The following SMARCA2 variants were observed in gnomAD, a reference collection of about 807,000 sequenced individuals.
SMARCA2 encodes SWI/SNF related BAF chromatin remodeling complex subunit ATPase 2.
A neutral mutation model predicts 199.8 loss-of-function variants in SMARCA2; 61 were observed. That is an observed-to-expected ratio of 0.31 (90% CI 0.25 to 0.38). SMARCA2 has a LOEUF of 0.38. Ranked by LOEUF, SMARCA2 falls within the 10% of genes least tolerant of loss-of-function variation. The pLI is 1.00. For missense variants in SMARCA2, 1,344 were observed against 2,012.2 expected (o/e 0.67, Z 6.35); for synonymous variants, 935 against 732.0 (o/e 1.28, Z -4.48).
intron 23 of SMARCA2, among the ~76,000 whole-genome samples, chr9:2,107,615 G>A (rs1822814761): frequency 6.6e-6 from 1 of 152,150 alleles, no homozygotes; most frequent in African/African-American, 2.4e-5. Context: ...ACCATGCCTG[G>A]CCTATACAGT....
intron 29 of SMARCA2, among the ~76,000 whole-genome samples, chr9:2,174,134 C>G (rs1826405922): frequency 6.6e-6 from 1 of 152,092 alleles, no homozygotes; most frequent in Non-Finnish European, 1.5e-5. Context: ...CCTTATCTTC[C>G]AGCATTAGCC....
intron 27 of SMARCA2, among the ~76,000 whole-genome samples, chr9:2,144,854 C>T (rs1345155625): frequency 6.6e-6 from 1 of 152,100 alleles, no homozygotes; most frequent in Admixed American, 6.5e-5. Flanking sequence ...CCTGTTGCTG[C>T]TGAGGACATC....
At chr9:2,047,688 C>A (rs569915068) in intron 5 of SMARCA2, 115 of 403,104 alleles carry the variant, frequency 2.9e-4, no homozygotes, top group Non-Finnish European at 3.1e-4. Flanking sequence ...ACGGGGACTT[C>A]CTGTGGACCC....
intron 27 of SMARCA2, among the ~76,000 whole-genome samples, chr9:2,143,856 G>T (rs373813997): frequency 6.6e-6 from 1 of 152,220 alleles, no homozygotes; most frequent in Non-Finnish European, 1.5e-5. Flanking sequence ...AATTTTTGAA[G>T]CCATATGCAT....
At chr9:2,097,222 A>T in intron 20 of SMARCA2, 163 bp from the exon 21 acceptor site, 1 of 553,562 alleles carries the variant, frequency 1.8e-6, no homozygotes, top group East Asian at 2.9e-5. Context: ...TGTCTAACTC[A>T]GGAACTGCTA....
chr9:2,102,654 A>G (rs1303755292), intron 22 of SMARCA2, among the ~76,000 whole-genome samples: 1 of 152,200 alleles, frequency 6.6e-6, no homozygotes, highest in Non-Finnish European at 1.5e-5. Context: ...GCCTTTCTCC[A>G]TATCACAGCG....
intron 27 of SMARCA2, chr9:2,159,763 T>C: frequency 6.4e-7 from 1 of 1,557,482 alleles, no homozygotes; most frequent in Non-Finnish European, 8.7e-7. Context: ...ATAAAATTAC[T>C]TGTATATGAA....
chr9:2,070,499 G>C, intron 10 of SMARCA2, 28 bp downstream of exon 10: 1 of 1,578,942 alleles, frequency 6.3e-7, no homozygotes, highest in Non-Finnish European at 8.7e-7. Flanking sequence ...TTTCCACTGT[G>C]TTCTGCTGAA....
intron 6 of SMARCA2, chr9:2,055,816 G>T (rs1266070900): frequency 6.6e-6 from 1 of 152,138 alleles, no homozygotes; most frequent in Non-Finnish European, 1.5e-5. Flanking sequence ...TAAAGTGCTG[G>T]ATAAAATCTT....
chr9:2,116,050 G>T lies in SMARCA2; in HGVS notation c.3684+1G>T. On this transcript the variant is annotated splice_donor_variant, in intron 25 of 33. Coordinates refer to ENST00000349721, the MANE Select transcript of SMARCA2 (RefSeq NM_003070.5). LOFTEE classifies it high-confidence loss of function. ...CTTGGAGCATGAGGAGGAAAATGAG[G>T]TATTAGAGAAAACCCCAAGTTTATG... The T allele has an allele frequency of 6.2e-7, 1 of 1,606,686 alleles. No homozygotes were observed. The highest frequency in any genetic ancestry group is 8.5e-7 in the Non-Finnish European group (1 of 1,173,656).
At chr9:2,160,359 C>G (rs1225943685) in intron 27 of SMARCA2, 1 of 514,828 alleles carries the variant, frequency 1.9e-6, no homozygotes, top group Non-Finnish European at 3.5e-6. Context: ...AGGAATCTGT[C>G]TGTGTGCATG....
At chr9:2,162,447 T>A (rs1428424600) in intron 28 of SMARCA2, among the ~76,000 whole-genome samples, 1 of 152,224 alleles carries the variant, frequency 6.6e-6, no homozygotes, top group East Asian at 1.9e-4. Flanking sequence ...TTACCTTTTT[T>A]ATGGGATTTT....
intron 3 of SMARCA2, among the ~76,000 whole-genome samples, chr9:2,035,340 G>A (rs191029756): frequency 1.1e-3 from 175 of 152,242 alleles, no homozygotes; most frequent in African/African-American, 3.6e-3. Flanking sequence ...ACCATGCCTG[G>A]CCTTAAACCT....
At chr9:2,174,571 T>G (rs1313625259) in intron 29 of SMARCA2, among the ~76,000 whole-genome samples, 1 of 152,096 alleles carries the variant, frequency 6.6e-6, no homozygotes. Flanking sequence ...GCTTTGTGCT[T>G]TTTAATTTGG....
chr9:2,094,261 A>G (rs1409580586), intron 19 of SMARCA2, among the ~76,000 whole-genome samples: 1 of 152,216 alleles, frequency 6.6e-6, no homozygotes, highest in Non-Finnish European at 1.5e-5. Flanking sequence ...GTGTGAGGAA[A>G]GAGACTCTGC....
chr9:2,018,428 C>T (rs184221376), intron 1 of SMARCA2, among the ~76,000 whole-genome samples: 1 of 152,290 alleles, frequency 6.6e-6, no homozygotes, highest in East Asian at 1.9e-4. Flanking sequence ...GGCTAGTAAT[C>T]TTTTGGAGAG....
intron 1 of SMARCA2, among the ~76,000 whole-genome samples, chr9:2,019,445 C>T (rs981702926): frequency 6.7e-6 from 1 of 149,310 alleles, no homozygotes; most frequent in Non-Finnish European, 1.5e-5. Context: ...GAGCATTTCT[C>T]GTCAAGTTTC....
chr9:2,190,169 T>G (rs144929680), intron 32 of SMARCA2, among the ~76,000 whole-genome samples: 77 of 152,222 alleles, frequency 5.1e-4, no homozygotes, highest in Non-Finnish European at 1.0e-3. Flanking sequence ...TCCAAGTGTT[T>G]CCATTGGTAT....
intron 27 of SMARCA2, among the ~76,000 whole-genome samples, chr9:2,144,354 A>T (rs1338637232): frequency 1.3e-5 from 2 of 152,144 alleles, no homozygotes; most frequent in African/African-American, 4.8e-5. Context: ...ATTCCAGAGC[A>T]AGTCCGTTCT....
Sources: allele counts gnomAD v4.1 joint callset (sites outside exome capture counted in the v4.1 genomes callset), GRCh38; gene constraint gnomAD v4.1.1; transcripts MANE v1.5; gene names NCBI Gene and HGNC (gene_info 2026-07-23, HGNC 2026-07-21).